GRID2: variants seen among roughly 807,000 people sequenced by gnomAD.
The protein encoded by GRID2 is glutamate receptor ionotropic, delta-2.
A neutral mutation model predicts 114.8 loss-of-function variants in GRID2; 33 were observed. The observed-to-expected ratio is 0.29, with a 90% CI of 0.22 to 0.38. The LOEUF (loss-of-function observed/expected upper bound fraction) is 0.38. Ranked by LOEUF, GRID2 falls within the 10% of genes least tolerant of loss-of-function variation. The pLI is 1.00. For missense variants in GRID2, 1,184 were observed against 1,257.7 expected, an observed-to-expected ratio of 0.94 and a Z score of 0.89; for synonymous variants, 505 against 449.9, an observed-to-expected ratio of 1.12 and a Z score of -1.55.
chr4:93,244,501 AGAT>A, intron 8 of GRID2, among the ~76,000 whole-genome samples: 1 of 51,316 alleles, frequency 1.9e-5, no homozygotes, highest in Non-Finnish European at 4.1e-5. Flanking sequence ...ATTAATTAAT[AGAT>A]TATATAATCT....
chr4:93,411,710 GCATGAGCCAC>G (rs2149353205), intron 9 of GRID2, among the ~76,000 whole-genome samples: 1 of 152,054 alleles, frequency 6.6e-6, no homozygotes, highest in East Asian at 1.9e-4. Context: ...GGGATTACAG[GCATGAGCCAC>G]CGTGACCAGC....
intron 1 of GRID2, among the ~76,000 whole-genome samples, chr4:92,378,095 T>TA (rs920583646): frequency 3.0e-4 from 44 of 147,920 alleles, no homozygotes; most frequent in African/African-American, 2.5e-4. Flanking sequence ...TAGAGATCAT[T>TA]AAAAAAAAAA....
chr4:93,357,077 A>G (rs868221417), intron 8 of GRID2, among the ~76,000 whole-genome samples: 1 of 151,644 alleles, frequency 6.6e-6, no homozygotes, highest in South Asian at 2.1e-4. Context: ...GGATTTAGGG[A>G]TCAAATGATA....
intron 2 of GRID2, among the ~76,000 whole-genome samples, chr4:92,792,535 C>A (rs1245815863): frequency 6.7e-6 from 1 of 150,284 alleles, no homozygotes; most frequent in Non-Finnish European, 1.5e-5. Flanking sequence ...TCTCTCTTAG[C>A]TTTTGTCCCC....
intron 2 of GRID2, among the ~76,000 whole-genome samples, chr4:92,968,285 T>A (rs1753284149): frequency 6.6e-6 from 1 of 151,932 alleles, no homozygotes; most frequent in Non-Finnish European, 1.5e-5. Context: ...TTTTATTAAT[T>A]AAATTTGTTG....
chr4:92,714,934 T>G (rs868001357), intron 2 of GRID2, among the ~76,000 whole-genome samples: 1 of 152,218 alleles, frequency 6.6e-6, no homozygotes, highest in African/African-American at 2.4e-5. Flanking sequence ...TCTTGGCGAT[T>G]AACATTTGGC....
intron 2 of GRID2, among the ~76,000 whole-genome samples, chr4:92,746,463 A>G (rs915019835): frequency 1.3e-4 from 20 of 152,120 alleles, no homozygotes; most frequent in Non-Finnish European, 2.6e-4. Flanking sequence ...TTTAGTGGCT[A>G]TTGTGTAGGC....
chr4:92,392,355 A>G (rs1015473029), intron 1 of GRID2, among the ~76,000 whole-genome samples: 1 of 152,046 alleles, frequency 6.6e-6, no homozygotes, highest in African/African-American at 2.4e-5. Context: ...CCTGGCCATC[A>G]TGGTGAAATC....
intron 4 of GRID2, among the ~76,000 whole-genome samples, chr4:93,124,394 T>G (rs944873012): frequency 6.6e-6 from 1 of 152,218 alleles, no homozygotes; most frequent in Non-Finnish European, 1.5e-5. Context: ...ATAAATAAAT[T>G]AGCAATTTAT....
intron 12 of GRID2, among the ~76,000 whole-genome samples, chr4:93,511,071 G>A (rs1255356121): frequency 6.6e-6 from 1 of 151,966 alleles, no homozygotes; most frequent in Admixed American, 6.6e-5. Context: ...TGAGTAGCTG[G>A]GATTACAGGT....
intron 14 of GRID2, among the ~76,000 whole-genome samples, chr4:93,630,655 TTC>T (rs1161830604): frequency 6.6e-6 from 1 of 152,204 alleles, no homozygotes; most frequent in Non-Finnish European, 1.5e-5. Context: ...AGAATAATTT[TTC>T]TTAGATTCAT....
chr4:93,581,116 C>T (rs1736943202), intron 13 of GRID2, among the ~76,000 whole-genome samples: 1 of 148,302 alleles, frequency 6.7e-6, no homozygotes, highest in African/African-American at 2.5e-5. Context: ...CCCCAACAGC[C>T]CCCCGTGTGT....
chr4:92,416,736 G>A (rs911779493), intron 1 of GRID2, among the ~76,000 whole-genome samples: 11 of 151,932 alleles, frequency 7.2e-5, no homozygotes, highest in South Asian at 2.1e-4. Context: ...TTATTTCTGC[G>A]TTCTCCATTC....
chr4:92,340,028 ATATT>A (rs1457179196), intron 1 of GRID2, among the ~76,000 whole-genome samples: 1 of 152,218 alleles, frequency 6.6e-6, no homozygotes, highest in African/African-American at 2.4e-5. Context: ...AAAATATTGT[ATATT>A]TATACTCCAC....
intron 2 of GRID2, among the ~76,000 whole-genome samples, chr4:92,858,490 G>A (rs1351805596): frequency 6.6e-6 from 1 of 152,164 alleles, no homozygotes; most frequent in African/African-American, 2.4e-5. Context: ...AATTTTAAGT[G>A]GAGCCTGAAG....
intron 4 of GRID2, among the ~76,000 whole-genome samples, chr4:93,198,598 T>C (rs149992274): frequency 2.0e-4 from 30 of 152,262 alleles, no homozygotes; most frequent in African/African-American, 5.5e-4. Flanking sequence ...AAGGCTGGGA[T>C]AGAGGTTGGC....
In GRID2 at chr4:92,753,103, T is replaced by C. The variant is rs573329020; in HGVS notation, c.244+162817T>C. Among the ~76,000 whole-genome samples the C allele has an allele frequency of 3.3e-5, 5 of 152,288 alleles. No individual in the cohort carries two copies. In the East Asian group the frequency reaches 7.7e-4, roughly 24 times the overall value. ...TTATATAAAACTGATTTATTACAAA[T>C]GTAAGTAATACACACATTTTTAGAC... On this transcript the variant is annotated intron_variant, in intron 2 of 15. Coordinates refer to ENST00000282020, the MANE Select transcript of GRID2 (RefSeq NM_001510.4).
chr4:93,744,770 G>T (rs1731700989), intron 14 of GRID2, among the ~76,000 whole-genome samples: 1 of 152,172 alleles, frequency 6.6e-6, no homozygotes, highest in Non-Finnish European at 1.5e-5. Flanking sequence ...CTATCAAACA[G>T]CTTTGCATGC....
intron 2 of GRID2, among the ~76,000 whole-genome samples, chr4:92,907,752 GGT>G (rs1425760445): frequency 1.3e-5 from 2 of 152,072 alleles, no homozygotes; most frequent in Admixed American, 6.6e-5. Context: ...AGCTGGGCAC[GGT>G]GGCTCATACC....
Sources: allele counts gnomAD v4.1 joint callset (sites outside exome capture counted in the v4.1 genomes callset), GRCh38; gene constraint gnomAD v4.1.1; transcripts MANE v1.5; gene names NCBI Gene and HGNC (gene_info 2026-07-23, HGNC 2026-07-21).